STXBP4: variants seen among roughly 807,000 people sequenced by gnomAD.
The protein encoded by STXBP4 is syntaxin-binding protein 4.
In STXBP4, 55 loss-of-function variants were observed where a neutral mutation model predicts 76.1. The observed-to-expected ratio is 0.72, with a 90% CI of 0.58 to 0.91. STXBP4 has a LOEUF of 0.91. Among genes scored for constraint, STXBP4 ranks in the 40% least tolerant of loss-of-function variants. STXBP4 has a pLI of 0.00. For missense variants in STXBP4, 618 were observed against 636.9 expected (o/e 0.97, Z 0.32); for synonymous variants, 201 against 220.2 (o/e 0.91, Z 0.77).
intron 1 of STXBP4, 41 bp downstream of exon 1, chr17:54,968,856 G>A (rs554254059): frequency 5.4e-6 from 3 of 558,236 alleles, no homozygotes; most frequent in African/African-American, 1.9e-5. Flanking sequence ...CTCCCACTTC[G>A]CTTCTCGCCA....
intron 4 of STXBP4, among the ~76,000 whole-genome samples, chr17:54,994,088 C>A: frequency 6.6e-6 from 1 of 152,088 alleles, no homozygotes; most frequent in Non-Finnish European, 1.5e-5. Context: ...CTTTTCAGTT[C>A]AAGCAGAACC....
the STXBP4 span, among the ~76,000 whole-genome samples, chr17:55,205,505 AAAC>A: frequency 5.1e-3 from 773 of 152,034 alleles, 6 homozygotes; most frequent in African/African-American, 0.017. Context: ...GTAAACATAT[AAAC>A]AACAAACTGG....
At chr17:55,023,045 C>A (rs2078342734) in intron 8 of STXBP4, among the ~76,000 whole-genome samples, 1 of 152,092 alleles carries the variant, frequency 6.6e-6, no homozygotes, top group South Asian at 2.1e-4. Flanking sequence ...TGCCTAGTAA[C>A]AACTAAATGG....
intron 16 of STXBP4, among the ~76,000 whole-genome samples, chr17:55,108,246 G>T (rs1328781158): frequency 1.3e-5 from 2 of 152,146 alleles, no homozygotes; most frequent in Non-Finnish European, 2.9e-5. Context: ...AGTAATGGTG[G>T]ACGCCCCTCC....
chr17:55,154,244 C>T (rs1397706608), intron 17 of STXBP4, among the ~76,000 whole-genome samples: 2 of 152,070 alleles, frequency 1.3e-5, no homozygotes, highest in Non-Finnish European at 2.9e-5. Context: ...AAACCCTGAC[C>T]CACAAAAGAT....
intron 7 of STXBP4, among the ~76,000 whole-genome samples, chr17:55,003,581 T>C (rs2077954286): frequency 6.6e-6 from 1 of 151,562 alleles, no homozygotes; most frequent in Admixed American, 6.6e-5. Context: ...TCTAGATTTC[T>C]TCAGTTACCT....
intron 17 of STXBP4, among the ~76,000 whole-genome samples, chr17:55,143,013 A>C (rs1028036214): frequency 6.6e-6 from 1 of 152,206 alleles, no homozygotes; most frequent in Non-Finnish European, 1.5e-5. Flanking sequence ...AATGCATTCA[A>C]ATCTGTGTTG....
chr17:55,088,880 C>CA (rs1425364445), intron 16 of STXBP4, among the ~76,000 whole-genome samples: 1 of 152,150 alleles, frequency 6.6e-6, no homozygotes, highest in Non-Finnish European at 1.5e-5. Context: ...CATACATGGC[C>CA]ATCCCAGCCT....
intron 12 of STXBP4, among the ~76,000 whole-genome samples, chr17:55,071,548 ATT>A (rs1174518375): frequency 6.6e-6 from 1 of 152,070 alleles, no homozygotes; most frequent in African/African-American, 2.4e-5. Context: ...TCAATGAGAC[ATT>A]TACCTCTCAT....
intron 1 of STXBP4, among the ~76,000 whole-genome samples, chr17:54,981,569 C>T (rs1238525806): frequency 1.3e-5 from 2 of 151,836 alleles, no homozygotes; most frequent in African/African-American, 4.8e-5. Flanking sequence ...ATGATGGATT[C>T]CAAATGGATC....
At chr17:55,074,568 T>A (rs2079158127) in intron 13 of STXBP4, among the ~76,000 whole-genome samples, 1 of 152,314 alleles carries the variant, frequency 6.6e-6, no homozygotes, top group East Asian at 1.9e-4. Context: ...TAATATTTTA[T>A]TTTTAAATGA....
At chr17:55,032,891 A>G (rs2078533923) in intron 9 of STXBP4, among the ~76,000 whole-genome samples, 1 of 152,164 alleles carries the variant, frequency 6.6e-6, no homozygotes, top group Non-Finnish European at 1.5e-5. Flanking sequence ...CTGCCAGTTG[A>G]CAAAGCAAGT....
the STXBP4 span, among the ~76,000 whole-genome samples, chr17:55,185,269 C>T: frequency 0.032 from 1,492 of 46,884 alleles, 55 homozygotes; most frequent in African/African-American, 0.084. Context: ...TTCTCCTTCT[C>T]CTTCTCCTTC....
At chr17:55,154,371 T>C (rs1359410900) in intron 17 of STXBP4, among the ~76,000 whole-genome samples, 2 of 152,204 alleles carry the variant, frequency 1.3e-5, no homozygotes, top group African/African-American at 4.8e-5. Context: ...GCAGCAACTC[T>C]ATGGTATGGA....
intron 13 of STXBP4, among the ~76,000 whole-genome samples, chr17:55,077,447 G>A (rs889271330): frequency 2.0e-5 from 3 of 152,104 alleles, no homozygotes; most frequent in African/African-American, 4.8e-5. Flanking sequence ...AGTCACCTGA[G>A]CCAACATCAA....
chr17:55,028,679 CAT>C (rs750484972), intron 8 of STXBP4, among the ~76,000 whole-genome samples: 2 of 152,144 alleles, frequency 1.3e-5, no homozygotes, highest in East Asian at 3.9e-4. Context: ...AAATTTAAAA[CAT>C]ATTTTAAATA....
intron 16 of STXBP4, among the ~76,000 whole-genome samples, chr17:55,096,453 A>G (rs1176223802): frequency 6.6e-6 from 1 of 152,198 alleles, no homozygotes; most frequent in Non-Finnish European, 1.5e-5. Context: ...AATTTTCATG[A>G]CTTACAAATA....
chr17:55,099,540 A>G (rs187517455), intron 16 of STXBP4, among the ~76,000 whole-genome samples: 2 of 152,330 alleles, frequency 1.3e-5, no homozygotes, highest in African/African-American at 4.8e-5. Flanking sequence ...GTATCTAAAC[A>G]TGGGAAAGGT....
At chr17:55,043,683 G>T in intron 11 of STXBP4, 1 of 1,545,224 alleles carries the variant, frequency 6.5e-7, no homozygotes, top group South Asian at 1.2e-5. Flanking sequence ...GAGTTCTTTG[G>T]GAAATACATT....
Sources: allele counts gnomAD v4.1 joint callset (sites outside exome capture counted in the v4.1 genomes callset), GRCh38; gene constraint gnomAD v4.1.1; transcripts MANE v1.5; gene names NCBI Gene and HGNC (gene_info 2026-07-23, HGNC 2026-07-21).